The following WNT3A variants were observed in gnomAD, a reference collection of about 807,000 sequenced individuals.
The protein encoded by WNT3A is Wnt family member 3A, also known as protein Wnt-3a.
WNT3A carries 17 observed loss-of-function variants against 37.0 expected under a neutral mutation model. The ratio of observed to expected loss-of-function variants is 0.46; its 90% confidence interval spans 0.31 to 0.69. The LOEUF is 0.69. Ranked by LOEUF, WNT3A falls within the 30% of genes least tolerant of loss-of-function variation. The pLI is 0.05. For synonymous variants in WNT3A, 187 were observed against 211.0 expected, an observed-to-expected ratio of 0.89 and a Z score of 0.99; for missense variants, 411 against 510.2, an observed-to-expected ratio of 0.81 and a Z score of 1.87.
At chr1:228,019,794 C>T (rs993649754) in intron 1 of WNT3A, among the ~76,000 whole-genome samples, 1 of 152,222 alleles carries the variant, frequency 6.6e-6, no homozygotes, top group Non-Finnish European at 1.5e-5. Context: ...GTAGCAGGCA[C>T]GTCCTGAACC....
intron 2 of WNT3A, among the ~76,000 whole-genome samples, chr1:228,041,880 C>T (rs992835022): frequency 1.3e-5 from 2 of 152,214 alleles, no homozygotes; most frequent in African/African-American, 4.8e-5. Flanking sequence ...AGTGGGTCAT[C>T]CAACCTCTGT....
At chr1:228,048,560 G>A (rs549921370) in intron 2 of WNT3A, among the ~76,000 whole-genome samples, 3 of 152,286 alleles carry the variant, frequency 2.0e-5, no homozygotes, top group South Asian at 4.1e-4. Context: ...GTGAGTGCCT[G>A]TCTCTTTTTA....
intron 1 of WNT3A, among the ~76,000 whole-genome samples, chr1:228,020,990 C>T (rs2030689243): frequency 6.6e-6 from 1 of 152,180 alleles, no homozygotes; most frequent in African/African-American, 2.4e-5. Flanking sequence ...TCCCTCCACC[C>T]ACCTCCACCA....
chr1:228,038,962 C>T lies in WNT3A; in HGVS notation c.314-11694C>T, dbSNP rs1484977534. 6.6e-6 allele frequency among the ~76,000 whole-genome samples: 1 copy of T among 152,100 alleles called. No individual in the cohort carries two copies. The highest frequency in any genetic ancestry group is 1.5e-5 in the Non-Finnish European group (1 of 67,998). ...TTTGTCACAGTGGAGGTGAGAACTTCCCGGTGGAGATTCAGCAGAGTTTTT... is the reference window on the plus strand; with the variant it reads ...TTTGTCACAGTGGAGGTGAGAACTTTCCGGTGGAGATTCAGCAGAGTTTTT... On this transcript the variant is annotated intron_variant, in intron 2 of 3. Transcript: ENST00000284523. The surrounding 1 kb of genome is among the most constrained non-coding windows in gnomAD (Gnocchi z 5.7).
chr1:228,049,296 G>C (rs1392348885), intron 2 of WNT3A, among the ~76,000 whole-genome samples: 1 of 152,184 alleles, frequency 6.6e-6, no homozygotes, highest in African/African-American at 2.4e-5. Flanking sequence ...AGGCTATCTG[G>C]GCAGCAGAAG....
intron 3 of WNT3A, among the ~76,000 whole-genome samples, chr1:228,056,234 G>GGATC (rs1240262758): frequency 2.0e-5 from 3 of 152,164 alleles, no homozygotes; most frequent in African/African-American, 7.2e-5. Context: ...AGACAGCCAA[G>GGATC]GATCATCAGA....
chr1:228,059,936 G>A lies in WNT3A; in HGVS notation c.*471G>A, dbSNP rs2031766358. ...CTCTAGGATGGGGCACGGCTCTGGG[G>A]TAGGCTGCTCCCTGAGGGCGGAGCG... On this transcript the variant is annotated 3_prime_UTR_variant, in exon 4 of 4. Coordinates refer to ENST00000284523, the MANE Select transcript of WNT3A (RefSeq NM_033131.4). The A allele has an allele frequency of 9.1e-7, 1 of 1,101,100 alleles. No homozygotes were observed. Among genetic ancestry groups the A allele is most frequent in the Non-Finnish European group, 1.1e-6 (1 of 895,646 alleles). The allele number at this position is 1,101,100 out of a possible 1,614,324, so 68.2% of individuals were successfully genotyped here.
intron 1 of WNT3A, among the ~76,000 whole-genome samples, chr1:228,016,914 C>T (rs1010201275): frequency 2.0e-5 from 3 of 152,174 alleles, no homozygotes; most frequent in African/African-American, 7.2e-5. Context: ...CTGTGCCATT[C>T]ACGAGTGATC....
chr1:228,017,243 G>C (rs541909599), intron 1 of WNT3A, among the ~76,000 whole-genome samples: 1 of 152,268 alleles, frequency 6.6e-6, no homozygotes, highest in East Asian at 1.9e-4. Context: ...GGTCACCAGT[G>C]AGCTCTGCCC....
chr1:228,051,035 G>T, intron 3 of WNT3A, 114 bp downstream of exon 3: 1 of 1,329,910 alleles, frequency 7.5e-7, no homozygotes. Context: ...CCAGGCTGAG[G>T]GTCTTCTCGA....
intron 3 of WNT3A, among the ~76,000 whole-genome samples, chr1:228,055,065 C>T (rs531754164): frequency 3.6e-5 from 5 of 140,740 alleles, no homozygotes; most frequent in South Asian, 2.2e-4. Context: ...ATCCAGGAGG[C>T]GGAGGTTGTG....
chr1:228,059,773 T>C lies in WNT3A; in HGVS notation c.*308T>C, dbSNP rs1055536281. ...CCTGGACAGAGGCGGGGCTACAGATTGGGCGGGGCTTCTCTTGGGTGGGAC... is the reference window on the plus strand; with the variant it reads ...CCTGGACAGAGGCGGGGCTACAGATCGGGCGGGGCTTCTCTTGGGTGGGAC... On this transcript the variant is annotated 3_prime_UTR_variant, in exon 4 of 4. Coordinates refer to ENST00000284523, the MANE Select transcript of WNT3A (RefSeq NM_033131.4). 64 of 1,109,640 alleles carry C rather than the reference T, an allele frequency of 5.8e-5. No homozygotes were observed. The highest frequency in any genetic ancestry group is 7.0e-5 in the Non-Finnish European group (64 of 910,660). The allele number at this position is 1,109,640 out of a possible 1,614,324, so 68.7% of individuals were successfully genotyped here.
chr1:228,026,867 G>A (rs553808779), intron 2 of WNT3A, among the ~76,000 whole-genome samples: 144 of 152,230 alleles, frequency 9.5e-4, no homozygotes, highest in African/African-American at 3.3e-3. Flanking sequence ...TATTGAGATA[G>A]GGTCTCACTC....
At position 228,031,268 on chromosome 1, in the gene WNT3A, G is replaced by A. The variant is rs1253478096; in HGVS notation, c.313+8360G>A. ...GTAGGAGAAGAAACTGGAGCTTGGGGAGCTTGGATGGTGGCCTTCCTGTGA... is the reference window on the plus strand; with the variant it reads ...GTAGGAGAAGAAACTGGAGCTTGGGAAGCTTGGATGGTGGCCTTCCTGTGA... On this transcript the variant is annotated intron_variant, in intron 2 of 3. Transcript: ENST00000284523. This position sits in a 1 kb window ranked among gnomAD's most constrained non-coding sequence, Gnocchi z 4.8. 6.6e-6 allele frequency among the ~76,000 whole-genome samples: 1 copy of A among 152,214 alleles called. No individual in the cohort carries two copies. Among genetic ancestry groups the A allele is most frequent in the Non-Finnish European group, 1.5e-5 (1 of 68,036 alleles).
At chr1:228,041,337 C>T (rs753299054) in intron 2 of WNT3A, among the ~76,000 whole-genome samples, 5 of 151,902 alleles carry the variant, frequency 3.3e-5, no homozygotes, top group Non-Finnish European at 7.4e-5. Context: ...ATGCCCACCT[C>T]TTACCACCTA....
intron 1 of WNT3A, among the ~76,000 whole-genome samples, chr1:228,015,720 G>A (rs1267531521): frequency 3.3e-5 from 1 of 30,006 alleles, no homozygotes; most frequent in East Asian, 1.4e-3. Flanking sequence ...CCCCACCCCC[G>A]CCGCCCAAGT....
intron 1 of WNT3A, among the ~76,000 whole-genome samples, 178 bp from the exon 2 acceptor site, chr1:228,022,489 T>C (rs2030732227): frequency 6.6e-6 from 1 of 152,178 alleles, no homozygotes; most frequent in Non-Finnish European, 1.5e-5. Flanking sequence ...GAATCCTTAA[T>C]TGGGCTTTTA....
chr1:228,051,124 C>T (rs1275633230), intron 3 of WNT3A, among the ~76,000 whole-genome samples: 1 of 152,150 alleles, frequency 6.6e-6, no homozygotes, highest in Non-Finnish European at 1.5e-5. Context: ...ATGGCGAGCC[C>T]ACCTGTGGAC....
chr1:228,041,900 A>G (rs1428894810), intron 2 of WNT3A, among the ~76,000 whole-genome samples: 1 of 152,208 alleles, frequency 6.6e-6, no homozygotes, highest in South Asian at 2.1e-4. Context: ...TTTTATTATC[A>G]CCAGGACAGG....
Sources: allele counts gnomAD v4.1 joint callset (sites outside exome capture counted in the v4.1 genomes callset), GRCh38; gene constraint gnomAD v4.1.1; non-coding constraint Gnocchi (gnomAD v3.1); transcripts MANE v1.5; gene names NCBI Gene and HGNC (gene_info 2026-07-23, HGNC 2026-07-21).